GRK5: variants seen among roughly 807,000 people sequenced by gnomAD.
GRK5 encodes G protein-coupled receptor kinase 5, also known as g protein-coupled receptor kinase GRK5.
Under a neutral mutation model 78.4 loss-of-function variants are expected in GRK5, and 40 were observed. The observed-to-expected ratio is 0.51, with a 90% CI of 0.40 to 0.66. The LOEUF is 0.66. GRK5 is among the 30% of genes least tolerant of loss of function. The probability of loss-of-function intolerance (pLI) is 0.00; values close to 1 mark genes in which losing one functional copy is unlikely to be tolerated. For missense variants in GRK5, 598 were observed against 759.9 expected (o/e 0.79, Z 2.50); for synonymous variants, 289 against 296.8 (o/e 0.97, Z 0.27).
Position 119,223,782 on chromosome 10 carries a change from G to A in GRK5, c.52+15813G>A, listed in dbSNP as rs185231793. Among the ~76,000 whole-genome samples the A allele has an allele frequency of 5.8e-3, 873 of 151,328 alleles. 10 individuals carry two copies. The highest frequency in any genetic ancestry group is 0.02 in the African/African-American group (841 of 41,258). Reference sequence around the variant, plus strand: ...CCCACTAAATTGTAGACTTCCTGAGGGCTGACACCAGGGCTTTTTCTTTGT... The same window carrying A: ...CCCACTAAATTGTAGACTTCCTGAGAGCTGACACCAGGGCTTTTTCTTTGT... On this transcript the variant is annotated intron_variant, in intron 1 of 15. Transcript: ENST00000392870.
At chr10:119,386,007 C>T (rs1276243314) in intron 3 of GRK5, among the ~76,000 whole-genome samples, 2 of 152,254 alleles carry the variant, frequency 1.3e-5, no homozygotes, top group East Asian at 1.9e-4. Flanking sequence ...GCCTCAGCCT[C>T]CCAAGTAGCT....
intron 2 of GRK5, among the ~76,000 whole-genome samples, chr10:119,349,055 C>T (rs1424970987): frequency 6.6e-6 from 1 of 152,144 alleles, no homozygotes; most frequent in African/African-American, 2.4e-5. Context: ...CCACCGTGGC[C>T]ATCATAACAC....
chr10:119,383,273 A>C (rs1478560106), intron 3 of GRK5, among the ~76,000 whole-genome samples: 1 of 152,034 alleles, frequency 6.6e-6, no homozygotes, highest in Non-Finnish European at 1.5e-5. Flanking sequence ...AACTTGACCA[A>C]ATTCGGTTTC....
At chr10:119,318,760 C>T (rs1850534256) in intron 1 of GRK5, among the ~76,000 whole-genome samples, 1 of 152,154 alleles carries the variant, frequency 6.6e-6, no homozygotes, top group South Asian at 2.1e-4. Flanking sequence ...TCCTCAGCTT[C>T]TCCCTTCTGT....
chr10:119,344,301 G>A (rs1195420209), intron 2 of GRK5, among the ~76,000 whole-genome samples: 2 of 151,912 alleles, frequency 1.3e-5, no homozygotes, highest in African/African-American at 4.8e-5. Flanking sequence ...TTTACATTAG[G>A]TATATCTCCT....
At chr10:119,426,445 C>T (rs186564717) in intron 6 of GRK5, among the ~76,000 whole-genome samples, 80 of 152,310 alleles carry the variant, frequency 5.3e-4, no homozygotes, top group African/African-American at 1.2e-3. Context: ...GTCCGAGTCC[C>T]GCCTCTGCCT....
intron 2 of GRK5, among the ~76,000 whole-genome samples, chr10:119,337,786 A>AT (rs1850917415): frequency 6.6e-6 from 1 of 151,726 alleles, no homozygotes; most frequent in Non-Finnish European, 1.5e-5. Context: ...TGCCCGGCTA[A>AT]TTTTTTTTAT....
chr10:119,436,764 G>A lies in GRK5; in HGVS notation c.852G>A (p.Glu284=). ...HIYNMGNPGF[E]EERALFYAAE... ...ACAACATGGGCAACCCTGGCTTCGAGGAGGAGCGGGCCTTGTTTTATGCGG... is the reference window on the plus strand; with the variant it reads ...ACAACATGGGCAACCCTGGCTTCGAAGAGGAGCGGGCCTTGTTTTATGCGG... Residue 284 remains glutamate (E), a synonymous_variant, in exon 9 of 16, where the codon GAG becomes GAA. Transcript: ENST00000392870. 6.2e-7 allele frequency: 1 copy of A among 1,614,172 alleles called. No individual in the cohort carries two copies.
At chr10:119,232,146 G>A (rs956274853) in intron 1 of GRK5, among the ~76,000 whole-genome samples, 1 of 152,146 alleles carries the variant, frequency 6.6e-6, no homozygotes, top group Admixed American at 6.5e-5. Context: ...GAATCTATTC[G>A]GCCCTGAAGA....
chr10:119,346,151 T>TG (rs1366265303), intron 2 of GRK5, among the ~76,000 whole-genome samples: 4 of 152,186 alleles, frequency 2.6e-5, no homozygotes, highest in African/African-American at 9.7e-5. Flanking sequence ...TTACAATGCC[T>TG]GGGCTCTGCG....
intron 1 of GRK5, among the ~76,000 whole-genome samples, chr10:119,222,544 G>C (rs1044083676): frequency 6.6e-6 from 1 of 152,116 alleles, no homozygotes; most frequent in Non-Finnish European, 1.5e-5. Flanking sequence ...GTTCCCACCT[G>C]AGAATAGAAA....
chr10:119,446,583 C>T lies in GRK5; in HGVS notation c.1267-1540C>T, dbSNP rs1357120782. ...CTTAGAACAGTGCAGCACCTGGGCCCAGCCCAACCCAGTGCCTTGAGCCTT... is the reference window on the plus strand; with the variant it reads ...CTTAGAACAGTGCAGCACCTGGGCCTAGCCCAACCCAGTGCCTTGAGCCTT... On this transcript the variant is annotated intron_variant, in intron 12 of 15. Coordinates refer to ENST00000392870, the MANE Select transcript of GRK5 (RefSeq NM_005308.3). 3.3e-5 allele frequency among the ~76,000 whole-genome samples: 5 copies of T among 152,164 alleles called. No homozygotes were observed. In the East Asian group the frequency reaches 9.6e-4, roughly 29 times the overall value.
intron 1 of GRK5, among the ~76,000 whole-genome samples, chr10:119,275,405 A>T (rs1161663660): frequency 6.6e-6 from 1 of 152,148 alleles, no homozygotes; most frequent in Non-Finnish European, 1.5e-5. Context: ...AGGTGCTGTT[A>T]TCACTTCCTG....
Position 119,459,284 on chromosome 10 carries a change from AAGTC to A in GRK5, c.*4220_*4223del, listed in dbSNP as rs1853446618. The A allele has an allele frequency of 6.6e-6, 1 of 152,230 alleles. No homozygotes were observed. 9.4% of individuals were successfully genotyped at this position (152,230 alleles called of 1,614,324 possible). A position where few individuals can be genotyped will look rare whatever the true frequency, so the allele number is the denominator to read the frequency against. On this transcript the variant is annotated 3_prime_UTR_variant, in exon 16 of 16. Coordinates refer to ENST00000392870, the MANE Select transcript of GRK5 (RefSeq NM_005308.3). ...CCAGCTGTTGAAGCTCAGCGTGTGC[AAGTC>A]AGACCCTGCACAGGCCGGGGGTGTC...
chr10:119,391,926 G>A (rs1026017948), intron 3 of GRK5, among the ~76,000 whole-genome samples: 4 of 152,240 alleles, frequency 2.6e-5, no homozygotes, highest in African/African-American at 7.2e-5. Context: ...TCATCTTCCT[G>A]TTAGGGCAGA....
chr10:119,261,066 G>A (rs1178805158), intron 1 of GRK5, among the ~76,000 whole-genome samples: 2 of 18,258 alleles, frequency 1.1e-4, no homozygotes, highest in Non-Finnish European at 2.2e-4. Context: ...CGGACGGGGC[G>A]GCTGGCCGGG....
At chr10:119,439,794 G>A in intron 10 of GRK5, 26 bp downstream of exon 10, 16 of 1,611,526 alleles carry the variant, frequency 9.9e-6, no homozygotes, top group African/African-American at 1.3e-5. Flanking sequence ...CTCGGTAGCT[G>A]AGGTGAGCAT....
At chr10:119,411,288 C>G (rs550541402) in intron 4 of GRK5, among the ~76,000 whole-genome samples, 3 of 152,150 alleles carry the variant, frequency 2.0e-5, no homozygotes, top group Non-Finnish European at 4.4e-5. Flanking sequence ...ACAGGCCTTT[C>G]GTGGATGCTG....
chr10:119,343,087 G>T (rs1162725277), intron 2 of GRK5, among the ~76,000 whole-genome samples: 1 of 152,238 alleles, frequency 6.6e-6, no homozygotes, highest in Non-Finnish European at 1.5e-5. Flanking sequence ...TCCTTAGGAA[G>T]CTGTCTCTAG....
Sources: allele counts gnomAD v4.1 joint callset (sites outside exome capture counted in the v4.1 genomes callset), GRCh38; gene constraint gnomAD v4.1.1; transcripts MANE v1.5; gene names NCBI Gene and HGNC (gene_info 2026-07-23, HGNC 2026-07-21).